The following PHF21A variants were observed in gnomAD, a reference collection of about 807,000 sequenced individuals.
PHF21A encodes the protein PHD finger protein 21A.
PHF21A carries 11 observed loss-of-function variants against 82.5 expected under a neutral mutation model. The ratio of observed to expected loss-of-function variants is 0.13; its 90% CI spans 0.08 to 0.22. The LOEUF (loss-of-function observed/expected upper bound fraction) is 0.22, where lower values mean the gene tolerates loss of function less well. Ranked by LOEUF, PHF21A falls within the 10% of genes least tolerant of loss-of-function variation. The probability of loss-of-function intolerance (pLI) is 1.00; values close to 1 mark genes in which losing one functional copy is unlikely to be tolerated. For missense variants in PHF21A, 579 were observed against 837.8 expected, an observed-to-expected ratio of 0.69 and a Z score of 3.81; for synonymous variants, 297 against 302.8, an observed-to-expected ratio of 0.98 and a Z score of 0.20.
intron 1 of PHF21A, among the ~76,000 whole-genome samples, chr11:46,119,188 C>T (rs1234299786): frequency 6.6e-6 from 1 of 151,760 alleles, no homozygotes; most frequent in Non-Finnish European, 1.5e-5. Context: ...TATAAATGTT[C>T]TTCCCTCTCT....
intron 4 of PHF21A, among the ~76,000 whole-genome samples, chr11:46,081,699 C>T (rs1029953049): frequency 2.0e-5 from 3 of 152,200 alleles, no homozygotes; most frequent in Non-Finnish European, 4.4e-5. Context: ...CGCCAGAATG[C>T]GGCAATATTT....
chr11:46,077,990 C>T (rs1379038764), intron 5 of PHF21A, among the ~76,000 whole-genome samples: 1 of 152,162 alleles, frequency 6.6e-6, no homozygotes, highest in Admixed American at 6.5e-5. Flanking sequence ...TGGCTCACTG[C>T]AACCTCTGCC....
At chr11:46,045,045 A>G (rs929796911) in intron 6 of PHF21A, among the ~76,000 whole-genome samples, 47 of 152,196 alleles carry the variant, frequency 3.1e-4, no homozygotes, top group African/African-American at 1.1e-3. Context: ...ACTTTTTATG[A>G]AAAGTGTTAA....
intron 11 of PHF21A, among the ~76,000 whole-genome samples, chr11:45,951,486 C>G (rs1269887432): frequency 1.3e-5 from 2 of 152,198 alleles, no homozygotes; most frequent in Admixed American, 1.3e-4. Flanking sequence ...CCCTTGACAG[C>G]CAGATTAGTC....
At chr11:46,022,224 G>A (rs117929980) in intron 6 of PHF21A, among the ~76,000 whole-genome samples, 1 of 152,116 alleles carries the variant, frequency 6.6e-6, no homozygotes, top group African/African-American at 2.4e-5. Flanking sequence ...AGGCCAAGGT[G>A]GGAGGACCAC....
At chr11:46,047,938 G>A (rs924479211) in intron 6 of PHF21A, among the ~76,000 whole-genome samples, 3 of 152,200 alleles carry the variant, frequency 2.0e-5, no homozygotes, top group African/African-American at 7.2e-5. Context: ...AGACAATTCA[G>A]TGCCCTGAGA....
intron 15 of PHF21A, among the ~76,000 whole-genome samples, chr11:45,940,413 C>G (rs947807783): frequency 5.9e-5 from 9 of 152,128 alleles, no homozygotes; most frequent in African/African-American, 2.2e-4. Flanking sequence ...TCAGGCTGGT[C>G]TCGAACTCCT....
In PHF21A at chr11:45,931,538, G is replaced by C. The variant is rs2087653470; in HGVS notation, c.*2430C>G. On this transcript the variant is annotated 3_prime_UTR_variant, in exon 19 of 19. Transcript: ENST00000676320. Reference sequence around the variant, plus strand: ...CTTAATTCCTTCTTCTGAGGCCCCTGGGAAGATGAAAGGCGATGGCTGATA... The same window carrying C: ...CTTAATTCCTTCTTCTGAGGCCCCTCGGAAGATGAAAGGCGATGGCTGATA... 1 of 152,224 alleles carries C rather than the reference G, an allele frequency of 6.6e-6. No individual in the cohort carries two copies. Among genetic ancestry groups the C allele is most frequent in the Non-Finnish European group, 1.5e-5 (1 of 68,050 alleles). The allele number at this position is 152,224 out of a possible 1,614,324, so 9.4% of individuals were successfully genotyped here. A position where few individuals can be genotyped will look rare whatever the true frequency, so the allele number is the denominator to read the frequency against.
chr11:45,933,764 C>G lies in PHF21A; in HGVS notation c.*204G>C. 1 of 449,236 alleles carries G rather than the reference C, an allele frequency of 2.2e-6. No homozygotes were observed. The highest frequency in any genetic ancestry group is 3.4e-5 in the East Asian group (1 of 29,018). 27.8% of individuals were successfully genotyped at this position (449,236 alleles called of 1,614,324 possible). A position where few individuals can be genotyped will look rare whatever the true frequency, so the allele number is the denominator to read the frequency against. On this transcript the variant is annotated 3_prime_UTR_variant, in exon 19 of 19. Transcript: ENST00000676320. ...CTGGCACTATTTCATGTAACATGGT[C>G]CAATCTTTGCATGTACACACAGAAT...
intron 6 of PHF21A, among the ~76,000 whole-genome samples, chr11:46,028,976 C>G (rs1207085750): frequency 6.6e-6 from 1 of 152,142 alleles, no homozygotes; most frequent in Admixed American, 6.5e-5. Context: ...CTGTTAGATC[C>G]TCTTTCATTT....
intron 6 of PHF21A, among the ~76,000 whole-genome samples, chr11:46,063,929 T>C (rs1432444045): frequency 6.6e-6 from 1 of 152,214 alleles, no homozygotes; most frequent in African/African-American, 2.4e-5. Flanking sequence ...CAAAATCTTA[T>C]GTGAATTTGT....
chr11:46,064,588 TAGTTAAAG>T (rs1041544430), intron 6 of PHF21A, among the ~76,000 whole-genome samples: 17 of 152,292 alleles, frequency 1.1e-4, no homozygotes, highest in Admixed American at 8.5e-4. Context: ...AAAAAGATAC[TAGTTAAAG>T]AGTAAACTTC....
At chr11:46,110,873 C>T (rs1431853413) in intron 1 of PHF21A, among the ~76,000 whole-genome samples, 25 of 151,650 alleles carry the variant, frequency 1.6e-4, no homozygotes, top group Admixed American at 1.6e-3. Context: ...GCAACCTCCG[C>T]CTTCTGGGTT....
chr11:45,986,607 C>T (rs1004695802), intron 6 of PHF21A, among the ~76,000 whole-genome samples: 4 of 152,226 alleles, frequency 2.6e-5, no homozygotes, highest in Admixed American at 6.5e-5. Flanking sequence ...GGCTTACATT[C>T]AAGTTTTCTA....
At chr11:46,094,184 CA>C (rs1439719492) in intron 1 of PHF21A, among the ~76,000 whole-genome samples, 1 of 152,154 alleles carries the variant, frequency 6.6e-6, no homozygotes, top group Non-Finnish European at 1.5e-5. Context: ...TCATATTCAA[CA>C]AAAGGCAGCA....
At chr11:46,039,110 A>G (rs987386798) in intron 6 of PHF21A, among the ~76,000 whole-genome samples, 19 of 152,206 alleles carry the variant, frequency 1.2e-4, no homozygotes, top group African/African-American at 3.9e-4. Context: ...AGACAACTCT[A>G]AAGACTTGAC....
At chr11:46,111,237 G>A (rs2097210664) in intron 1 of PHF21A, among the ~76,000 whole-genome samples, 1 of 151,748 alleles carries the variant, frequency 6.6e-6, no homozygotes, top group Non-Finnish European at 1.5e-5. Context: ...GGGAGGCCGA[G>A]GTGGGCAGAT....
intron 6 of PHF21A, among the ~76,000 whole-genome samples, chr11:46,074,475 T>C (rs1188692051): frequency 6.6e-6 from 1 of 151,138 alleles, no homozygotes; most frequent in Non-Finnish European, 1.5e-5. Context: ...GGGGAAGGCA[T>C]ATAGCATTAG....
chr11:46,034,024 T>C (rs1004630745), intron 6 of PHF21A, among the ~76,000 whole-genome samples: 1 of 152,198 alleles, frequency 6.6e-6, no homozygotes, highest in Non-Finnish European at 1.5e-5. Context: ...TTGCCAATGA[T>C]TGTTGTTGGA....
Sources: allele counts gnomAD v4.1 joint callset (sites outside exome capture counted in the v4.1 genomes callset), GRCh38; gene constraint gnomAD v4.1.1; transcripts MANE v1.5; gene names NCBI Gene and HGNC (gene_info 2026-07-23, HGNC 2026-07-21).